Variants in ARHGAP6 observed in about 807,000 individuals in gnomAD.
The protein encoded by ARHGAP6 is rho GTPase-activating protein 6.
In ARHGAP6, 16 loss-of-function variants were observed where a neutral mutation model predicts 55.7. That is an observed-to-expected ratio of 0.29 (90% CI 0.19 to 0.44). The LOEUF (loss-of-function observed/expected upper bound fraction) is 0.44, where lower values mean the gene tolerates loss of function less well. Ranked by LOEUF, ARHGAP6 falls within the 20% of genes least tolerant of loss-of-function variation. The pLI, the probability that ARHGAP6 is intolerant of heterozygous loss-of-function variation, is 1.00. For synonymous variants in ARHGAP6, 382 were observed against 360.9 expected (o/e 1.06, Z -0.66); for missense variants, 698 against 808.9 (o/e 0.86, Z 1.66).
At chrX:11,359,173 C>T (rs1053589007) in intron 1 of ARHGAP6, among the ~76,000 whole-genome samples, 1 of 111,936 alleles carries the variant, frequency 8.9e-6, no homozygotes, top group African/African-American at 3.2e-5. Context: ...ATGTCAAGTC[C>T]TCTGAGAGCT....
At chrX:11,370,893 A>AAAC (rs751345129) in intron 1 of ARHGAP6, among the ~76,000 whole-genome samples, 1,988 of 110,134 alleles carry the variant, frequency 0.018, 23 homozygotes, top group Admixed American at 0.047. Context: ...GTATGCTTAC[A>AAAC]AACAACAACA....
chrX:11,142,314 C>A lies in ARHGAP6; in HGVS notation c.2177-1G>T. The A allele has an allele frequency of 8.5e-7, 1 of 1,178,001 alleles. No individual in the cohort carries two copies. Among genetic ancestry groups the A allele is most frequent in the South Asian group, 1.9e-5 (1 of 52,766 alleles). On this transcript the variant is annotated splice_acceptor_variant, in intron 11 of 12. Coordinates refer to ENST00000337414, the MANE Select transcript of ARHGAP6 (RefSeq NM_013427.3). LOFTEE classifies it high-confidence loss of function. The stretch of plus-strand genomic sequence containing the variant: ...ATATCGAAAGGCTCCTCTGACAGAT[C>A]TAGGGAAAAAGTGTATAAAAAGGTA...
chrX:11,552,599 T>G (rs563384602), intron 1 of ARHGAP6, among the ~76,000 whole-genome samples: 12 of 48,217 alleles, frequency 2.5e-4, no homozygotes, highest in African/African-American at 9.0e-4. Flanking sequence ...TATATATATA[T>G]AGACACACAC....
At position 11,301,859 on chromosome X, in the gene ARHGAP6, C is replaced by A. The variant is rs748542756; in HGVS notation, c.589-47152G>T. Among the ~76,000 whole-genome samples the A allele has an allele frequency of 8.9e-5, 10 of 112,045 alleles. No individual in the cohort carries two copies. In the East Asian group the frequency reaches 2.8e-3, roughly 31 times the overall value. The stretch of plus-strand genomic sequence containing the variant: ...TGGTATTAATACTATGACAGAAGTA[C>A]AGTCAAAACACTCTGGCAAATATGG... On this transcript the variant is annotated intron_variant, in intron 1 of 12. Coordinates refer to ENST00000337414, the MANE Select transcript of ARHGAP6 (RefSeq NM_013427.3).
intron 1 of ARHGAP6, among the ~76,000 whole-genome samples, chrX:11,414,579 T>C (rs754591486): frequency 9.1e-6 from 1 of 110,038 alleles, no homozygotes; most frequent in African/African-American, 3.3e-5. Context: ...TGGCAACTGT[T>C]CAATCAAGTT....
At chrX:11,401,078 C>G in intron 1 of ARHGAP6, among the ~76,000 whole-genome samples, 1 of 111,955 alleles carries the variant, frequency 8.9e-6, no homozygotes, top group Non-Finnish European at 1.9e-5. Flanking sequence ...ATGGCAGGAT[C>G]TGAGAAGAAG....
intron 1 of ARHGAP6, among the ~76,000 whole-genome samples, chrX:11,270,689 C>T (rs1448843629): frequency 9.0e-6 from 1 of 111,400 alleles, no homozygotes; most frequent in Non-Finnish European, 1.9e-5. Flanking sequence ...CAAACTGAGT[C>T]TACAATGTAA....
intron 4 of ARHGAP6, among the ~76,000 whole-genome samples, chrX:11,188,505 T>C (rs2046414052): frequency 8.9e-6 from 1 of 111,820 alleles, no homozygotes; most frequent in Non-Finnish European, 1.9e-5. Context: ...AGCAAAGATG[T>C]GACAAAGGAG....
At chrX:11,185,204 GTAT>G (rs1489203976) in intron 5 of ARHGAP6, among the ~76,000 whole-genome samples, 1 of 108,945 alleles carries the variant, frequency 9.2e-6, no homozygotes, top group Non-Finnish European at 1.9e-5. Context: ...AGAAAGAGAT[GTAT>G]ATTCAAGATA....
intron 1 of ARHGAP6, among the ~76,000 whole-genome samples, chrX:11,489,822 G>A (rs892769565): frequency 1.8e-5 from 2 of 111,850 alleles, no homozygotes; most frequent in African/African-American, 6.5e-5. Context: ...GCAGAGCCAA[G>A]GGATTGGTGA....
chrX:11,210,951 T>C (rs1413556053), intron 2 of ARHGAP6, among the ~76,000 whole-genome samples: 1 of 112,138 alleles, frequency 8.9e-6, no homozygotes. Flanking sequence ...ACACATTTGA[T>C]TAAAGGTATT....
intron 2 of ARHGAP6, among the ~76,000 whole-genome samples, chrX:11,234,858 T>C (rs1177681544): frequency 2.7e-5 from 3 of 112,808 alleles, no homozygotes; most frequent in Non-Finnish European, 5.6e-5. Flanking sequence ...TGGAATACTA[T>C]TCAGAAATTA....
intron 1 of ARHGAP6, among the ~76,000 whole-genome samples, chrX:11,361,209 C>T (rs763589771): frequency 1.8e-5 from 2 of 108,438 alleles, no homozygotes; most frequent in East Asian, 2.9e-4. Context: ...AATCCTAAGC[C>T]AAAAGAACAA....
chrX:11,319,945 T>G (rs910733339), intron 1 of ARHGAP6, among the ~76,000 whole-genome samples: 1 of 111,957 alleles, frequency 8.9e-6, no homozygotes, highest in Non-Finnish European at 1.9e-5. Context: ...TCTAAACAGC[T>G]GGGGGGGAAA....
chrX:11,616,619 C>T (rs974001492), intron 1 of ARHGAP6, among the ~76,000 whole-genome samples: 4 of 111,887 alleles, frequency 3.6e-5, no homozygotes, highest in African/African-American at 6.5e-5. Flanking sequence ...TGAGCAACTC[C>T]GCCCAGCCAA....
rs35473948 is a variant in ARHGAP6 at position 11,408,643 on chromosome X, G to T, written c.589-153936C>A. Among the ~76,000 whole-genome samples, 3 of 110,183 alleles carry T rather than the reference G, an allele frequency of 2.7e-5. No individual in the cohort carries two copies. The East Asian group carries it at 8.5e-4, about 31-fold the overall frequency. On this transcript the variant is annotated intron_variant, in intron 1 of 12. Coordinates refer to ENST00000337414, the MANE Select transcript of ARHGAP6 (RefSeq NM_013427.3). Reference sequence around the variant, plus strand: ...ATGGAAGAGTTTTCCCAGTATGGACGCTGCTGCCCAAATTGAGAGTTGTAG... The same window carrying T: ...ATGGAAGAGTTTTCCCAGTATGGACTCTGCTGCCCAAATTGAGAGTTGTAG...
intron 9 of ARHGAP6, among the ~76,000 whole-genome samples, chrX:11,162,329 C>T (rs2045959553): frequency 1.4e-5 from 1 of 70,621 alleles, no homozygotes; most frequent in Non-Finnish European, 2.7e-5. Flanking sequence ...GCTACTGAAA[C>T]TGTGCCCCCC....
At chrX:11,608,727 G>A (rs2052065379) in intron 1 of ARHGAP6, among the ~76,000 whole-genome samples, 2 of 111,717 alleles carry the variant, frequency 1.8e-5, no homozygotes, top group South Asian at 7.6e-4. Flanking sequence ...ATGGTAGTAA[G>A]TCTCACAAGA....
At chrX:11,614,952 G>A (rs2052146116) in intron 1 of ARHGAP6, among the ~76,000 whole-genome samples, 2 of 109,780 alleles carry the variant, frequency 1.8e-5, no homozygotes, top group South Asian at 7.9e-4. Flanking sequence ...AAAAAAAAAA[G>A]GTGGAGACAC....
Sources: allele counts gnomAD v4.1 joint callset (sites outside exome capture counted in the v4.1 genomes callset), GRCh38; gene constraint gnomAD v4.1.1; transcripts MANE v1.5; gene names NCBI Gene and HGNC (gene_info 2026-07-23, HGNC 2026-07-21).